CSMD1: variants seen among roughly 807,000 people sequenced by gnomAD.
CSMD1 encodes the protein CUB and Sushi multiple domains 1, also known as CUB and sushi domain-containing protein 1.
Under a neutral mutation model 417.5 loss-of-function variants are expected in CSMD1, and 213 were observed. The observed-to-expected ratio is 0.51, with a 90% CI of 0.46 to 0.57. The LOEUF (loss-of-function observed/expected upper bound fraction) is 0.57, where lower values mean the gene tolerates loss of function less well. Among genes scored for constraint, CSMD1 ranks in the 20% least tolerant of loss-of-function variants. CSMD1 has a pLI of 0.00. For synonymous variants in CSMD1, 2,862 were observed against 1,736.8 expected, an observed-to-expected ratio of 1.65 and a Z score of -16.11; for missense variants, 6,923 against 4,529.7, an observed-to-expected ratio of 1.53 and a Z score of -15.17.
chr8:3,305,552 T>TCTGTCTCTAGTGTACTTCCTTG (rs1299527293), intron 25 of CSMD1, among the ~76,000 whole-genome samples: 2 of 151,146 alleles, frequency 1.3e-5, no homozygotes, highest in Non-Finnish European at 3.0e-5. Flanking sequence ...CCATTTCCTC[T>TCTGTCTCTAGTGTACTTCCTTG]CTGTCTCTAG....
At chr8:3,648,528 A>G (rs1797690942) in intron 7 of CSMD1, among the ~76,000 whole-genome samples, 1 of 152,174 alleles carries the variant, frequency 6.6e-6, no homozygotes, top group African/African-American at 2.4e-5. Flanking sequence ...AAGTTGTTGT[A>G]CGATTTACTT....
chr8:3,267,886 C>G (rs917917878), intron 26 of CSMD1, among the ~76,000 whole-genome samples: 1 of 152,042 alleles, frequency 6.6e-6, no homozygotes, highest in Non-Finnish European at 1.5e-5. Context: ...TGCATAGAGT[C>G]CTAACTCACT....
At chr8:4,402,215 T>C (rs1189723797) in intron 3 of CSMD1, among the ~76,000 whole-genome samples, 2 of 152,152 alleles carry the variant, frequency 1.3e-5, no homozygotes, top group Admixed American at 1.3e-4. Flanking sequence ...CCCATGCTCT[T>C]ATCTCTGTTT....
chr8:4,754,834 G>A (rs935382133), intron 1 of CSMD1, among the ~76,000 whole-genome samples: 4 of 151,916 alleles, frequency 2.6e-5, no homozygotes, highest in Non-Finnish European at 5.9e-5. Context: ...GGGTGACGGA[G>A]CAAGACTTAA....
intron 2 of CSMD1, among the ~76,000 whole-genome samples, chr8:4,607,510 G>A (rs75262703): frequency 6.6e-6 from 1 of 152,106 alleles, no homozygotes; most frequent in Non-Finnish European, 1.5e-5. Context: ...AGCTGGCTAA[G>A]ACAAACTGGA....
intron 1 of CSMD1, among the ~76,000 whole-genome samples, chr8:4,643,589 A>C (rs931400770): frequency 2.6e-5 from 4 of 152,202 alleles, no homozygotes; most frequent in Non-Finnish European, 4.4e-5. Context: ...TTTTTATTTA[A>C]GAGCTAAGGA....
intron 3 of CSMD1, among the ~76,000 whole-genome samples, chr8:4,152,307 A>G (rs538221095): frequency 3.5e-4 from 54 of 152,298 alleles, no homozygotes; most frequent in South Asian, 6.2e-4. Flanking sequence ...CCAGTTATAA[A>G]TCAGCTTTTT....
intron 23 of CSMD1, among the ~76,000 whole-genome samples, chr8:3,326,671 G>C (rs1806553231): frequency 6.6e-6 from 1 of 152,112 alleles, no homozygotes; most frequent in South Asian, 2.1e-4. Context: ...TGCCCACCTT[G>C]TTTCATAATA....
rs191823425 is a variant in CSMD1, at chr8:4,221,295, T to C, written c.416-189196A>G. Among the ~76,000 whole-genome samples, 232 of 152,010 alleles carry C rather than the reference T, an allele frequency of 1.5e-3. 4 individuals are homozygous for C. The highest frequency in any genetic ancestry group is 1.8e-3 in the Non-Finnish European group (124 of 67,990). ...AGAATTTTCAGTTAAACATGGCATA[T>C]TGAATACACTCATGGACTTACCACT... is the stretch of plus-strand genomic sequence containing the variant. On this transcript the variant is annotated intron_variant, in intron 3 of 69. Coordinates refer to ENST00000635120, the MANE Select transcript of CSMD1 (RefSeq NM_033225.6).
chr8:3,609,974 G>C (rs376488723), intron 8 of CSMD1, among the ~76,000 whole-genome samples: 2 of 151,678 alleles, frequency 1.3e-5, no homozygotes, highest in Non-Finnish European at 2.9e-5. Flanking sequence ...GCTAATTTTT[G>C]TATTTTTAGT....
chr8:4,626,280 G>A (rs1355226564), intron 2 of CSMD1, among the ~76,000 whole-genome samples: 1 of 151,894 alleles, frequency 6.6e-6, no homozygotes, highest in African/African-American at 2.4e-5. Flanking sequence ...CTCTCAAATT[G>A]AACATACAGC....
chr8:4,150,602 A>T (rs773280348), intron 3 of CSMD1, among the ~76,000 whole-genome samples: 13 of 152,220 alleles, frequency 8.5e-5, no homozygotes, highest in Non-Finnish European at 1.5e-4. Context: ...CAAGCAAACA[A>T]ACCAAACAAC....
chr8:3,503,940 G>T lies in CSMD1; in HGVS notation c.1345-10214C>A, dbSNP rs912392014. 3.3e-5 allele frequency among the ~76,000 whole-genome samples: 5 copies of T among 151,998 alleles called. No individual in the cohort carries two copies. The East Asian group carries it at 7.7e-4, about 24-fold the overall frequency. On this transcript the variant is annotated intron_variant, in intron 10 of 69. Transcript: ENST00000635120. ...CTTCCACATGAGTGAGAATATGGAG[G>T]CGGGGGTTAGGGCGTGGACAAGAAG...
At chr8:3,184,407 C>G (rs1297649240) in intron 36 of CSMD1, among the ~76,000 whole-genome samples, 1 of 152,164 alleles carries the variant, frequency 6.6e-6, no homozygotes, top group Non-Finnish European at 1.5e-5. Context: ...TGAACCTCAT[C>G]AAATCCTTAA....
intron 3 of CSMD1, among the ~76,000 whole-genome samples, chr8:4,274,129 T>C (rs547729496): frequency 6.6e-6 from 1 of 152,302 alleles, no homozygotes; most frequent in South Asian, 2.1e-4. Context: ...TCCATTATCT[T>C]AGAAGTGACT....
chr8:4,200,883 C>G (rs985632543), intron 3 of CSMD1, among the ~76,000 whole-genome samples: 2 of 151,982 alleles, frequency 1.3e-5, no homozygotes, highest in Non-Finnish European at 1.5e-5. Flanking sequence ...ATAATAATAA[C>G]ACATCTTTAA....
chr8:3,915,546 T>G (rs1034957569), intron 5 of CSMD1, among the ~76,000 whole-genome samples: 2 of 151,860 alleles, frequency 1.3e-5, no homozygotes, highest in Admixed American at 1.3e-4. Flanking sequence ...ATTCTAGCTT[T>G]AAACACAAGG....
At chr8:3,943,229 T>A (rs756933549) in intron 5 of CSMD1, among the ~76,000 whole-genome samples, 1 of 152,072 alleles carries the variant, frequency 6.6e-6, no homozygotes, top group South Asian at 2.1e-4. Flanking sequence ...GATTTAACCT[T>A]TGTACAATCA....
chr8:4,860,654 C>G (rs1378328178), intron 1 of CSMD1, among the ~76,000 whole-genome samples: 1 of 152,242 alleles, frequency 6.6e-6, no homozygotes, highest in African/African-American at 2.4e-5. Flanking sequence ...GCTAATACAG[C>G]CTAACACACC....
Sources: gnomAD v4.1 joint callset for allele counts (sites outside exome capture counted in the v4.1 genomes callset) on GRCh38, gnomAD v4.1.1 for gene constraint, MANE v1.5 for transcripts, NCBI Gene and HGNC (gene_info 2026-07-23, HGNC 2026-07-21) for gene names.